RALA: variants seen among roughly 807,000 people sequenced by gnomAD.
RALA encodes ras-related protein Ral-A.
RALA carries 5 observed loss-of-function variants against 24.0 expected under a neutral mutation model. The observed-to-expected ratio is 0.21, with a 90% CI of 0.11 to 0.44. RALA has a LOEUF of 0.44. Ranked by LOEUF, RALA falls within the 20% of genes least tolerant of loss-of-function variation. The probability of loss-of-function intolerance (pLI) is 0.99; values close to 1 mark genes in which losing one functional copy is unlikely to be tolerated. For missense variants in RALA, 95 were observed against 241.2 expected, an observed-to-expected ratio of 0.39 and a Z score of 4.01; for synonymous variants, 77 against 83.8, an observed-to-expected ratio of 0.92 and a Z score of 0.44.
intron 3 of RALA, 24 bp downstream of exon 3, chr7:39,690,614 G>A (rs774291938): frequency 1.3e-6 from 2 of 1,546,184 alleles, no homozygotes; most frequent in Non-Finnish European, 1.8e-6. Context: ...TAATGTTGTT[G>A]CTTGTGACAT....
At chr7:39,660,218 C>T (rs1350326000) in intron 1 of RALA, among the ~76,000 whole-genome samples, 1 of 151,846 alleles carries the variant, frequency 6.6e-6, no homozygotes, top group East Asian at 1.9e-4. Flanking sequence ...TGGTGGTGTG[C>T]ACCTGTAGTC....
chr7:39,652,764 A>G (rs1299975978), intron 1 of RALA, among the ~76,000 whole-genome samples: 3 of 152,034 alleles, frequency 2.0e-5, no homozygotes, highest in Admixed American at 1.3e-4. Context: ...AGTTGAATTA[A>G]TTAATTTTAT....
chr7:39,696,277 A>G (rs35129390), intron 3 of RALA, among the ~76,000 whole-genome samples: 5,985 of 152,304 alleles, frequency 0.039, 184 homozygotes, highest in Non-Finnish European at 0.053. Flanking sequence ...CCAAGAACCA[A>G]TAACCCTACT....
At chr7:39,634,060 C>A (rs549687717) in intron 1 of RALA, among the ~76,000 whole-genome samples, 1 of 152,306 alleles carries the variant, frequency 6.6e-6, no homozygotes, top group South Asian at 2.1e-4. Context: ...CCCAGGAGGG[C>A]TGGGTGGTAG....
chr7:39,628,624 C>T lies in RALA; in HGVS notation c.-38+4799C>T, dbSNP rs911012792. Among the ~76,000 whole-genome samples the T allele has an allele frequency of 5.3e-5, 8 of 152,202 alleles. No homozygotes were observed. In the East Asian group the frequency reaches 5.8e-4, roughly 11 times the overall value. ...GTGCTGGAGTGCAGTGGCGCGATTT[C>T]GGCTCACTGCCGCCTCCACCTCCCA... On this transcript the variant is annotated intron_variant, in intron 1 of 4. Transcript: ENST00000005257.
intron 3 of RALA, among the ~76,000 whole-genome samples, chr7:39,694,652 T>G (rs1792885598): frequency 6.6e-6 from 1 of 152,106 alleles, no homozygotes; most frequent in Admixed American, 6.6e-5. Flanking sequence ...GGTAGTAGTG[T>G]GGTGGTGGTA....
intron 1 of RALA, among the ~76,000 whole-genome samples, chr7:39,676,625 C>T (rs1792491399): frequency 6.6e-6 from 1 of 152,110 alleles, no homozygotes; most frequent in Non-Finnish European, 1.5e-5. Flanking sequence ...TGTGCTTATC[C>T]TGTAATGAGC....
chr7:39,628,299 C>G (rs763645107), intron 1 of RALA, among the ~76,000 whole-genome samples: 74 of 151,938 alleles, frequency 4.9e-4, no homozygotes, highest in Non-Finnish European at 9.3e-4. Flanking sequence ...TGTTACAGCT[C>G]TTAACTACAC....
At chr7:39,689,139 A>G (rs1446646262) in intron 2 of RALA, among the ~76,000 whole-genome samples, 2 of 152,172 alleles carry the variant, frequency 1.3e-5, no homozygotes, top group South Asian at 2.1e-4. Flanking sequence ...ACAGTTCAAC[A>G]TGAGATTTGG....
chr7:39,650,530 G>T (rs532977947), intron 1 of RALA, among the ~76,000 whole-genome samples: 1 of 152,152 alleles, frequency 6.6e-6, no homozygotes, highest in East Asian at 1.9e-4. Flanking sequence ...AAGGTAGTAA[G>T]ACCCCTTTTC....
intron 1 of RALA, among the ~76,000 whole-genome samples, chr7:39,683,605 G>A (rs1218914594): frequency 6.6e-6 from 1 of 152,144 alleles, no homozygotes; most frequent in African/African-American, 2.4e-5. Context: ...GGAGTGCCAA[G>A]TCTTTTAAAA....
At chr7:39,698,450 A>T (rs1792960267) in intron 4 of RALA, among the ~76,000 whole-genome samples, 1 of 152,220 alleles carries the variant, frequency 6.6e-6, no homozygotes, top group Non-Finnish European at 1.5e-5. Flanking sequence ...GAAATCACAT[A>T]TGTAAAATGC....
chr7:39,676,476 A>G (rs914695559), intron 1 of RALA, among the ~76,000 whole-genome samples: 9 of 152,134 alleles, frequency 5.9e-5, no homozygotes, highest in African/African-American at 2.2e-4. Flanking sequence ...CTTTTAGAAT[A>G]TTTGCATTAT....
In RALA at chr7:39,696,793, CAG is replaced by C. The variant is rs1562625789; in HGVS notation, c.435_436del (p.Arg145SerfsTer2). The C allele has an allele frequency of 6.2e-7, 1 of 1,613,686 alleles. No homozygotes were observed. The highest frequency in any genetic ancestry group is 8.5e-7 in the Non-Finnish European group (1 of 1,179,780). ...AGGTTTCTGTAGAAGAGGCAAAAAA[CAG>C]AGCTGAGCAGTGGAATGTTAACTAC... ...RQVSVEEAKN[R>X]AEQWNVNYVE... On this transcript the variant is annotated frameshift_variant, in exon 4 of 5. Coordinates refer to ENST00000005257, the MANE Select transcript of RALA (RefSeq NM_005402.4). LOFTEE classifies it high-confidence loss of function.
At chr7:39,681,618 CTG>C (rs1158710125) in intron 1 of RALA, among the ~76,000 whole-genome samples, 1 of 152,120 alleles carries the variant, frequency 6.6e-6, no homozygotes, top group East Asian at 1.9e-4. Context: ...GCCTCAGTGA[CTG>C]TGCGATTACT....
At chr7:39,642,739 T>C (rs1791841630) in intron 1 of RALA, among the ~76,000 whole-genome samples, 1 of 152,236 alleles carries the variant, frequency 6.6e-6, no homozygotes, top group Admixed American at 6.5e-5. Flanking sequence ...GGTTTGCTGT[T>C]GGGAGCAGCA....
At chr7:39,693,273 A>G (rs1792862480) in intron 3 of RALA, among the ~76,000 whole-genome samples, 1 of 152,220 alleles carries the variant, frequency 6.6e-6, no homozygotes, top group Admixed American at 6.5e-5. Context: ...TCGCAGGGAC[A>G]TGGATGAAGC....
In RALA at chr7:39,706,346, G is replaced by A; in HGVS notation, c.*101G>A. On this transcript the variant is annotated 3_prime_UTR_variant, in exon 5 of 5. Transcript: ENST00000005257. ...TTGACTGAAATTACTTTAACATTTT[G>A]GAAATTGTTGTATATCACTAAAAGC... is the stretch of plus-strand genomic sequence containing the variant. 7.6e-7 allele frequency: 1 copy of A among 1,318,204 alleles called. No individual in the cohort carries two copies. The highest frequency in any genetic ancestry group is 1.0e-6 in the Non-Finnish European group (1 of 958,676). The allele number at this position is 1,318,204 out of a possible 1,614,324, so 81.7% of individuals were successfully genotyped here.
At chr7:39,639,777 A>G (rs553704613) in intron 1 of RALA, among the ~76,000 whole-genome samples, 118 of 152,246 alleles carry the variant, frequency 7.8e-4, no homozygotes, top group African/African-American at 2.7e-3. Flanking sequence ...AACTCAGGGA[A>G]CCAGGCTGGA....
Sources: gnomAD v4.1 joint callset for allele counts (sites outside exome capture counted in the v4.1 genomes callset) on GRCh38, gnomAD v4.1.1 for gene constraint, MANE v1.5 for transcripts, NCBI Gene and HGNC (gene_info 2026-07-23, HGNC 2026-07-21) for gene names.